The following SDK1 variants were observed in gnomAD, a reference collection of about 807,000 sequenced individuals.
SDK1 encodes the protein protein sidekick-1.
In SDK1, 157 loss-of-function variants were observed where a neutral mutation model predicts 245.5. The observed-to-expected ratio is 0.64, with a 90% CI of 0.56 to 0.73. SDK1 has a LOEUF of 0.73. SDK1 is among the 30% of genes least tolerant of loss of function. The probability of loss-of-function intolerance (pLI) is 0.00; values close to 1 mark genes in which losing one functional copy is unlikely to be tolerated. For synonymous variants in SDK1, 1,647 were observed against 1,278.5 expected (o/e 1.29, Z -6.15); for missense variants, 3,583 against 3,002.3 (o/e 1.19, Z -4.52).
Position 3,649,809 on chromosome 7 carries a change from A to G in SDK1, c.713+7704A>G, listed in dbSNP as rs114428531. ...GTATATGAGGCTGTTCTCCCAGGTT[A>G]ATGTCTGCAAGATGGGAAGGAGCCA... is the stretch of plus-strand genomic sequence containing the variant. On this transcript the variant is annotated intron_variant, in intron 4 of 44. Coordinates refer to ENST00000404826, the MANE Select transcript of SDK1 (RefSeq NM_152744.4). Among the ~76,000 whole-genome samples, 173 of 152,168 alleles carry G rather than the reference A, an allele frequency of 1.1e-3. 1 individual carries two copies. Among genetic ancestry groups the G allele is most frequent in the African/African-American group, 4.0e-3 (168 of 41,508 alleles).
chr7:3,605,929 T>C (rs1474082731), intron 1 of SDK1, among the ~76,000 whole-genome samples: 1 of 152,206 alleles, frequency 6.6e-6, no homozygotes. Context: ...AGATAAAATT[T>C]ATGATTTGGA....
In SDK1 at chr7:3,698,621, G is replaced by A. The variant is rs528601059; in HGVS notation, c.713+56516G>A. On this transcript the variant is annotated intron_variant, in intron 4 of 44. Coordinates refer to ENST00000404826, the MANE Select transcript of SDK1 (RefSeq NM_152744.4). ...AAATACTGGGGCTTAGACAGCGGAC[G>A]TCTATTTCCTCACAGTTCTGGAGGC... is the stretch of plus-strand genomic sequence containing the variant. 5.3e-5 allele frequency among the ~76,000 whole-genome samples: 8 copies of A among 152,260 alleles called. No individual in the cohort carries two copies. The South Asian group carries it at 8.3e-4, about 16-fold the overall frequency.
intron 44 of SDK1, among the ~76,000 whole-genome samples, chr7:4,261,638 C>G (rs79282649): frequency 3.3e-5 from 5 of 152,116 alleles, no homozygotes; most frequent in African/African-American, 7.2e-5. Context: ...CCCACAGAGT[C>G]AGGATAGCTG....
intron 13 of SDK1, among the ~76,000 whole-genome samples, chr7:3,985,711 G>A (rs766386830): frequency 1.3e-5 from 2 of 152,046 alleles, no homozygotes; most frequent in Non-Finnish European, 2.9e-5. Context: ...GACATCCTGG[G>A]CTCGCATTTA....
chr7:3,747,860 G>C, intron 4 of SDK1, among the ~76,000 whole-genome samples: 1 of 152,148 alleles, frequency 6.6e-6, no homozygotes, highest in East Asian at 1.9e-4. Flanking sequence ...CTGGAGCAGA[G>C]AGAGGACATG....
chr7:3,878,852 A>C (rs894709746), intron 5 of SDK1, among the ~76,000 whole-genome samples: 5 of 152,140 alleles, frequency 3.3e-5, no homozygotes, highest in African/African-American at 9.7e-5. Flanking sequence ...TTTTATTGGA[A>C]GTCTAACATG....
At chr7:3,785,667 T>C (rs936590515) in intron 4 of SDK1, among the ~76,000 whole-genome samples, 2 of 152,116 alleles carry the variant, frequency 1.3e-5, no homozygotes, top group Non-Finnish European at 2.9e-5. Context: ...AATTTGAACA[T>C]ATCTGGTAAA....
In SDK1 at chr7:4,268,603, G is replaced by A; in HGVS notation, c.*3219G>A. The A allele has an allele frequency of 7.3e-7, 1 of 1,365,292 alleles. No homozygotes were observed. The highest frequency in any genetic ancestry group is 9.8e-7 in the Non-Finnish European group (1 of 1,020,508). 84.6% of individuals were successfully genotyped at this position (1,365,292 alleles called of 1,614,324 possible). A position where few individuals can be genotyped will look rare whatever the true frequency, so the allele number is the denominator to read the frequency against. ...GGAGGCCGTGTTTGTATCTAACTGT[G>A]ACTGGGCTGAAGCATGATGTTTGCC... On this transcript the variant is annotated 3_prime_UTR_variant, in exon 45 of 45. Coordinates refer to ENST00000404826, the MANE Select transcript of SDK1 (RefSeq NM_152744.4).
At chr7:3,331,884 G>GTTTTACAA (rs1583694316) in intron 1 of SDK1, among the ~76,000 whole-genome samples, 1 of 152,008 alleles carries the variant, frequency 6.6e-6, no homozygotes, top group East Asian at 1.9e-4. Flanking sequence ...GAAAATTTAA[G>GTTTTACAA]TTTTACAATA....
Position 4,210,081 on chromosome 7 carries a change from G to A in SDK1, c.5458G>A (p.Val1820Met), listed in dbSNP as rs200192934. The A allele has an allele frequency of 1.1e-4, 176 of 1,609,754 alleles. No homozygotes were observed. In the East Asian group the frequency reaches 2.7e-3, roughly 25 times the overall value. Residue 1820 changes from valine (V) to methionine (M), a missense_variant, in exon 38 of 45, where the codon GTG (valine) becomes ATG (methionine). Coordinates refer to ENST00000404826, the MANE Select transcript of SDK1 (RefSeq NM_152744.4). ...AGAAATAACCTCCACCACGCTCAAC[G>A]TGTCCTGGGGCGAGCCTGCGGCGGC... ...FSEITSTTLN[V>M]SWGEPAAANG...
chr7:3,789,896 G>C (rs1020415730), intron 4 of SDK1, among the ~76,000 whole-genome samples: 2 of 151,752 alleles, frequency 1.3e-5, no homozygotes, highest in Non-Finnish European at 2.9e-5. Context: ...GGACAGGCTC[G>C]AGGACAGGCT....
intron 1 of SDK1, among the ~76,000 whole-genome samples, chr7:3,551,095 A>T (rs534815298): frequency 9.9e-5 from 15 of 152,236 alleles, no homozygotes; most frequent in South Asian, 2.1e-4. Context: ...TATTTTTTTT[A>T]AATTTTAAAA....
intron 28 of SDK1, among the ~76,000 whole-genome samples, chr7:4,144,816 C>T (rs1004950773): frequency 2.0e-5 from 3 of 152,112 alleles, no homozygotes; most frequent in Admixed American, 6.5e-5. Context: ...CGGCTCTGTT[C>T]CCCCCGTGCG....
chr7:4,091,883 C>T (rs1241058659), intron 22 of SDK1, among the ~76,000 whole-genome samples: 4 of 152,282 alleles, frequency 2.6e-5, no homozygotes, highest in Middle Eastern at 3.4e-3. Context: ...GCCACACGTT[C>T]TTCTGGGGAA....
At chr7:3,890,638 T>C (rs867173078) in intron 5 of SDK1, among the ~76,000 whole-genome samples, 4 of 151,472 alleles carry the variant, frequency 2.6e-5, no homozygotes, top group Middle Eastern at 6.8e-3. Context: ...TTGTTTTTGC[T>C]GTGGTTAAAA....
intron 2 of SDK1, among the ~76,000 whole-genome samples, chr7:3,628,543 A>G (rs1270610762): frequency 1.3e-5 from 2 of 152,200 alleles, no homozygotes; most frequent in East Asian, 3.9e-4. Context: ...ACTCCCCACA[A>G]CATCCTTATC....
At chr7:4,212,035 C>A (rs1157416486) in intron 38 of SDK1, among the ~76,000 whole-genome samples, 2 of 152,200 alleles carry the variant, frequency 1.3e-5, no homozygotes, top group Non-Finnish European at 2.9e-5. Context: ...AAATACAAGT[C>A]CAGCTGTCTC....
intron 4 of SDK1, among the ~76,000 whole-genome samples, chr7:3,738,196 C>A (rs561990546): frequency 6.6e-6 from 1 of 152,146 alleles, no homozygotes; most frequent in Admixed American, 6.5e-5. Flanking sequence ...AGGTTTAAAT[C>A]TTTGTTCTGT....
intron 24 of SDK1, 138 bp from the exon 25 acceptor site, chr7:4,113,899 G>A: frequency 1.5e-6 from 1 of 649,188 alleles, no homozygotes; most frequent in Non-Finnish European, 2.7e-6. Flanking sequence ...GAAGAATAAA[G>A]TAGATCCTTC....
Sources: gnomAD v4.1 joint callset for allele counts (sites outside exome capture counted in the v4.1 genomes callset) on GRCh38, gnomAD v4.1.1 for gene constraint, MANE v1.5 for transcripts, NCBI Gene and HGNC (gene_info 2026-07-23, HGNC 2026-07-21) for gene names.